The following OOSP3 variants were observed in gnomAD, a reference collection of about 807,000 sequenced individuals.
OOSP3 encodes the protein oocyte-secreted protein 3.
At position 59,895,739 on chromosome 11, in the gene OOSP3, A is replaced by G. The variant is rs564255576; in HGVS notation, c.501+87A>G. 232 of 397,550 alleles carry G rather than the reference A, an allele frequency of 5.8e-4. 1 individual carries two copies. The highest frequency in any genetic ancestry group is 4.3e-3 in the African/African-American group (208 of 48,738). The allele number at this position is 397,550 out of a possible 1,614,324, so 24.6% of individuals were successfully genotyped here. A position where few individuals can be genotyped will look rare whatever the true frequency, so the allele number is the denominator to read the frequency against. On this transcript the variant is annotated intron_variant, in intron 4 of 4. Coordinates refer to ENST00000646438, the Ensembl canonical transcript of OOSP3. ...TAAGGAAGTAAAAGCTCAAATCTCT[A>G]CTAAGGAGGGTATTTGTTGTTTAAA...
In OOSP3 at chr11:59,884,479, CT is replaced by C. The variant is rs1565218928; in HGVS notation, c.252+4041del. Among the ~76,000 whole-genome samples the C allele has an allele frequency of 7.5e-4, 3 of 4,008 alleles. No homozygotes were observed. In the East Asian group the frequency reaches 0.025, roughly 34 times the overall value. 2.6% of individuals were successfully genotyped at this position (4,008 alleles called of 152,430 possible). A position where few individuals can be genotyped will look rare whatever the true frequency, so the allele number is the denominator to read the frequency against. On this transcript the variant is annotated intron_variant, in intron 2 of 4. Coordinates refer to ENST00000646438, the Ensembl canonical transcript of OOSP3. ...TGTCTGTCTGTCTGTCTGTCTGTCTCTCTCTCTCTCTCTCTCTCTCTCTCTC... is the reference window on the plus strand; with the variant it reads ...TGTCTGTCTGTCTGTCTGTCTGTCTCCTCTCTCTCTCTCTCTCTCTCTCTC...
chr11:59,888,066 G>A (rs916528812), intron 2 of OOSP3, among the ~76,000 whole-genome samples: 3 of 152,058 alleles, frequency 2.0e-5, no homozygotes, highest in African/African-American at 7.2e-5. Flanking sequence ...TGTGGCAATT[G>A]TGAATGGGAG....
At chr11:59,892,892 A>G (rs553865088) in intron 2 of OOSP3, among the ~76,000 whole-genome samples, 3 of 152,334 alleles carry the variant, frequency 2.0e-5, no homozygotes, top group Admixed American at 2.0e-4. Context: ...TTTTTCTTGA[A>G]TAAATGCTCC....
intron 1 of OOSP3, among the ~76,000 whole-genome samples, chr11:59,879,594 T>C (rs781631940): frequency 2.0e-5 from 3 of 152,200 alleles, no homozygotes; most frequent in Non-Finnish European, 4.4e-5. Flanking sequence ...TTTTTGGATA[T>C]GCTTCTGGTA....
intron 2 of OOSP3, among the ~76,000 whole-genome samples, chr11:59,892,523 G>A (rs372085740): frequency 1.2e-4 from 19 of 152,202 alleles, no homozygotes; most frequent in African/African-American, 4.3e-4. Flanking sequence ...GTGAAGCACT[G>A]GTTCTAATTC....
intron 2 of OOSP3, among the ~76,000 whole-genome samples, chr11:59,887,478 G>A (rs1853273104): frequency 6.6e-6 from 1 of 152,148 alleles, no homozygotes; most frequent in Non-Finnish European, 1.5e-5. Flanking sequence ...TTTGTGTAAG[G>A]TGTAAGGAAG....
At chr11:59,882,150 A>G (rs941578768) in intron 2 of OOSP3, among the ~76,000 whole-genome samples, 17 of 152,232 alleles carry the variant, frequency 1.1e-4, no homozygotes, top group African/African-American at 3.9e-4. Flanking sequence ...TTCAAAGTTT[A>G]TACAATTAAA....
At chr11:59,894,019 A>T (rs1853334831) in intron 2 of OOSP3, 60 bp from the exon 3 acceptor site, 1 of 397,580 alleles carries the variant, frequency 2.5e-6, no homozygotes, top group Admixed American at 4.4e-5. Flanking sequence ...CACTGTTCAA[A>T]TGTCTTTAAA....
chr11:59,890,058 G>C (rs1853296954), intron 2 of OOSP3, among the ~76,000 whole-genome samples: 1 of 152,052 alleles, frequency 6.6e-6, no homozygotes, highest in South Asian at 2.1e-4. Context: ...TTTGACCTTT[G>C]TTGGTTTAAA....
intron 2 of OOSP3, among the ~76,000 whole-genome samples, chr11:59,893,480 C>G (rs188492087): frequency 6.1e-4 from 93 of 152,228 alleles, no homozygotes; most frequent in African/African-American, 2.1e-3. Flanking sequence ...ATCCTCCCAT[C>G]TCAGCCTCCT....
intron 2 of OOSP3, among the ~76,000 whole-genome samples, 171 bp from the exon 3 acceptor site, chr11:59,893,908 G>GT (rs1031450101): frequency 4.7e-4 from 71 of 152,242 alleles, no homozygotes; most frequent in African/African-American, 1.7e-3. Context: ...CTTGGATGGT[G>GT]TTTTTTTAAA....
chr11:59,887,737 T>G (rs1053648252), intron 2 of OOSP3, among the ~76,000 whole-genome samples: 4 of 152,222 alleles, frequency 2.6e-5, no homozygotes, highest in Admixed American at 1.3e-4. Context: ...GCATGATGCC[T>G]CCAGCTTTGT....
intron 2 of OOSP3, among the ~76,000 whole-genome samples, chr11:59,888,169 T>C (rs1853279431): frequency 6.6e-6 from 1 of 152,250 alleles, no homozygotes; most frequent in Non-Finnish European, 1.5e-5. Context: ...GAGGTTTTCC[T>C]GAAGTTGTTT....
chr11:59,885,975 T>G (rs1853253611), intron 2 of OOSP3, among the ~76,000 whole-genome samples: 1 of 152,186 alleles, frequency 6.6e-6, no homozygotes, highest in Non-Finnish European at 1.5e-5. Context: ...GGTGGTTTGC[T>G]GCAACTATCA....
intron 2 of OOSP3, among the ~76,000 whole-genome samples, chr11:59,884,692 C>A (rs946699410): frequency 3.9e-5 from 6 of 152,070 alleles, no homozygotes; most frequent in African/African-American, 1.4e-4. Context: ...TTAGTAGATA[C>A]CAGATTTCAT....
intron 2 of OOSP3, among the ~76,000 whole-genome samples, chr11:59,886,115 G>A (rs865854450): frequency 7.2e-5 from 11 of 152,052 alleles, no homozygotes; most frequent in Middle Eastern, 3.4e-3. Flanking sequence ...TCATTATTCA[G>A]CTCCCACCTT....
intron 2 of OOSP3, among the ~76,000 whole-genome samples, chr11:59,885,340 A>G (rs1853244756): frequency 6.6e-6 from 1 of 151,968 alleles, no homozygotes; most frequent in Admixed American, 6.6e-5. Context: ...CTTCAACTTT[A>G]ATTTTAAGTT....
intron 2 of OOSP3, among the ~76,000 whole-genome samples, chr11:59,889,738 T>C (rs1853293503): frequency 6.6e-6 from 1 of 151,626 alleles, no homozygotes; most frequent in South Asian, 2.1e-4. Context: ...GAGTAAGTTA[T>C]GTGGCACTGA....
exon 4 of OOSP3, chr11:59,895,652 G>A (rs1285002709): frequency 2.0e-5 from 8 of 398,122 alleles, no homozygotes; most frequent in Admixed American, 1.8e-4. Flanking sequence ...AAAACTCCTC[G>A]GTGAGGATCC....
Sources: allele counts gnomAD v4.1 joint callset (sites outside exome capture counted in the v4.1 genomes callset), GRCh38; gene constraint gnomAD v4.1.1; transcripts MANE v1.5; gene names NCBI Gene and HGNC (gene_info 2026-07-23, HGNC 2026-07-21).